Variants in ACOXL observed in about 807,000 individuals in gnomAD.
The protein encoded by ACOXL is acyl-CoA oxidase like, also known as acyl-coenzyme A oxidase-like protein.
Under a neutral mutation model 71.9 loss-of-function variants are expected in ACOXL, and 70 were observed. The ratio of observed to expected loss-of-function variants is 0.97; its 90% CI spans 0.80 to 1.19. The LOEUF (loss-of-function observed/expected upper bound fraction) is 1.19, where lower values mean the gene tolerates loss of function less well. Among genes scored for constraint, ACOXL ranks in the 50% most tolerant of loss-of-function variants. ACOXL has a pLI of 0.00. For missense variants in ACOXL, 703 were observed against 736.3 expected, an observed-to-expected ratio of 0.95 and a Z score of 0.52; for synonymous variants, 253 against 281.6, an observed-to-expected ratio of 0.90 and a Z score of 1.02.
intron 17 of ACOXL, among the ~76,000 whole-genome samples, chr2:111,112,308 C>T (rs1373079767): frequency 6.6e-6 from 1 of 152,142 alleles, no homozygotes; most frequent in Non-Finnish European, 1.5e-5. Context: ...AAGGTCTGAC[C>T]CTCCCTGGAG....
intron 2 of ACOXL, among the ~76,000 whole-genome samples, chr2:110,771,793 C>T (rs1044763018): frequency 6.6e-6 from 1 of 152,210 alleles, no homozygotes; most frequent in African/African-American, 2.4e-5. Flanking sequence ...CTCTCTTGTT[C>T]CCCTGAAGTT....
intron 1 of ACOXL, among the ~76,000 whole-genome samples, chr2:110,760,292 G>A (rs544536016): frequency 4.0e-5 from 6 of 151,756 alleles, no homozygotes; most frequent in Admixed American, 1.3e-4. Context: ...GGCACTGACC[G>A]CCACCACGCC....
At chr2:111,042,613 G>A (rs181762902) in intron 15 of ACOXL, among the ~76,000 whole-genome samples, 8 of 152,340 alleles carry the variant, frequency 5.3e-5, no homozygotes, top group African/African-American at 1.9e-4. Flanking sequence ...TTGGGAGAAA[G>A]GCCAAGAAAC....
intron 17 of ACOXL, among the ~76,000 whole-genome samples, chr2:111,114,547 T>C (rs2070208237): frequency 6.6e-6 from 1 of 152,114 alleles, no homozygotes; most frequent in Non-Finnish European, 1.5e-5. Context: ...CATGTGGTCA[T>C]CTTATGCTGA....
At position 110,852,431 on chromosome 2, in the gene ACOXL, G is replaced by A. The variant is rs576536588; in HGVS notation, c.788+11026G>A. Among the ~76,000 whole-genome samples, 10 of 152,292 alleles carry A rather than the reference G, an allele frequency of 6.6e-5. No individual in the cohort carries two copies. In the East Asian group the frequency reaches 1.5e-3, roughly 23 times the overall value. The stretch of plus-strand genomic sequence containing the variant: ...GGCTCTCGACTTCCTCCTGAAGGGC[G>A]TTTCTCAAGTTTGAATGAACGGCTT... On this transcript the variant is annotated intron_variant, in intron 10 of 17. Transcript: ENST00000439055.
chr2:111,111,800 T>G (rs1027977618), intron 17 of ACOXL, among the ~76,000 whole-genome samples: 2 of 152,194 alleles, frequency 1.3e-5, no homozygotes, highest in Non-Finnish European at 2.9e-5. Flanking sequence ...ATAACAATAA[T>G]ATTTATAAAT....
chr2:110,933,452 C>T (rs978368171), intron 11 of ACOXL, 37 bp from the exon 12 acceptor site: 34 of 1,596,616 alleles, frequency 2.1e-5, no homozygotes, highest in East Asian at 6.7e-5. Context: ...CTGACTGCAC[C>T]GCCACTTCCA....
intron 9 of ACOXL, among the ~76,000 whole-genome samples, chr2:110,806,224 G>A (rs894812143): frequency 6.6e-6 from 1 of 152,202 alleles, no homozygotes; most frequent in African/African-American, 2.4e-5. Flanking sequence ...GTCCTGACCC[G>A]GGCTTCCCCT....
intron 1 of ACOXL, among the ~76,000 whole-genome samples, chr2:110,759,154 GT>G (rs1680061028): frequency 6.6e-6 from 1 of 152,154 alleles, no homozygotes; most frequent in African/African-American, 2.4e-5. Context: ...ATATTTTGTT[GT>G]TTTTGGGTGG....
intron 17 of ACOXL, among the ~76,000 whole-genome samples, chr2:111,109,350 G>C (rs868370678): frequency 6.6e-6 from 1 of 152,158 alleles, no homozygotes; most frequent in South Asian, 2.1e-4. Flanking sequence ...ACATCTTCAA[G>C]TATTTTATGT....
At chr2:110,962,574 A>G (rs183849798) in intron 12 of ACOXL, among the ~76,000 whole-genome samples, 1 of 152,308 alleles carries the variant, frequency 6.6e-6, no homozygotes, top group Admixed American at 6.5e-5. Context: ...GACTGATGCT[A>G]ACAAGTTTTC....
At chr2:110,855,666 T>C (rs1693146434) in intron 10 of ACOXL, among the ~76,000 whole-genome samples, 1 of 152,240 alleles carries the variant, frequency 6.6e-6, no homozygotes, top group Non-Finnish European at 1.5e-5. Flanking sequence ...AAATATTAAA[T>C]GGAAAATTTC....
chr2:110,818,410 CATAT>C (rs1371218363), intron 9 of ACOXL, among the ~76,000 whole-genome samples: 9 of 128,516 alleles, frequency 7.0e-5, no homozygotes, highest in South Asian at 2.5e-4. Flanking sequence ...AAAAAAAAAA[CATAT>C]ATATATATAT....
At chr2:110,973,308 G>A (rs967809000) in intron 12 of ACOXL, among the ~76,000 whole-genome samples, 5 of 152,196 alleles carry the variant, frequency 3.3e-5, no homozygotes, top group Admixed American at 2.6e-4. Flanking sequence ...ACCTGCTACA[G>A]CCTGAATGTT....
At chr2:110,867,206 G>A (rs934804390) in intron 10 of ACOXL, among the ~76,000 whole-genome samples, 1 of 152,178 alleles carries the variant, frequency 6.6e-6, no homozygotes. Context: ...GGAGTGGACA[G>A]GAGTGAAGCT....
chr2:111,060,420 G>A (rs2066756471), intron 16 of ACOXL, among the ~76,000 whole-genome samples: 1 of 152,114 alleles, frequency 6.6e-6, no homozygotes, highest in Admixed American at 6.5e-5. Context: ...GGATCAGCAG[G>A]GGCCTAGTGG....
intron 11 of ACOXL, among the ~76,000 whole-genome samples, chr2:110,921,117 C>T (rs1327775598): frequency 6.6e-6 from 1 of 151,884 alleles, no homozygotes; most frequent in African/African-American, 2.4e-5. Context: ...ATTCCCTTTT[C>T]TTTTTAATGT....
intron 12 of ACOXL, among the ~76,000 whole-genome samples, chr2:110,958,128 TACACACGC>T (rs1216925416): frequency 1.3e-5 from 2 of 151,186 alleles, no homozygotes; most frequent in Non-Finnish European, 2.9e-5. Context: ...CGCGCATGCA[TACACACGC>T]ACACACACAT....
rs868501745 is a variant in ACOXL at position 110,896,752 on chromosome 2, A to G, written c.789-12037A>G. 2.3e-4 allele frequency among the ~76,000 whole-genome samples: 35 copies of G among 152,334 alleles called. No homozygotes were observed. The Middle Eastern group carries it at 0.01, about 44-fold the overall frequency. On this transcript the variant is annotated intron_variant, in intron 10 of 17. Coordinates refer to ENST00000439055, the MANE Select transcript of ACOXL (RefSeq NM_001142807.4). ...CGTGAAGTGAAAACTAACAGAACTG[A>G]AAGGACTATAGACCAATCTACAGTT...
Sources: allele counts gnomAD v4.1 joint callset (sites outside exome capture counted in the v4.1 genomes callset), GRCh38; gene constraint gnomAD v4.1.1; transcripts MANE v1.5; gene names NCBI Gene and HGNC (gene_info 2026-07-23, HGNC 2026-07-21).